RPGRIP1: variants seen among roughly 807,000 people sequenced by gnomAD.
RPGRIP1 encodes the protein RPGR interacting protein 1, also known as X-linked retinitis pigmentosa GTPase regulator-interacting protein 1.
Under a neutral mutation model 157.9 loss-of-function variants are expected in RPGRIP1, and 128 were observed. That is an observed-to-expected ratio of 0.81 (90% CI 0.70 to 0.94). RPGRIP1 has a LOEUF of 0.94. Among genes scored for constraint, RPGRIP1 ranks in the 40% least tolerant of loss-of-function variants. RPGRIP1 has a pLI of 0.00. For synonymous variants in RPGRIP1, 554 were observed against 571.6 expected, an observed-to-expected ratio of 0.97 and a Z score of 0.44; for missense variants, 1,486 against 1,545.8, an observed-to-expected ratio of 0.96 and a Z score of 0.65.
intron 3 of RPGRIP1, among the ~76,000 whole-genome samples, chr14:21,295,966 C>T (rs1454255006): frequency 4.0e-5 from 6 of 151,108 alleles, no homozygotes; most frequent in Non-Finnish European, 5.9e-5. Flanking sequence ...GATGAAACCT[C>T]GCTCCGTTGC....
intron 24 of RPGRIP1, among the ~76,000 whole-genome samples, chr14:21,350,521 C>T (rs920880698): frequency 6.6e-6 from 1 of 152,070 alleles, no homozygotes; most frequent in Non-Finnish European, 1.5e-5. Flanking sequence ...AGGAATACTC[C>T]TCAGACCCTA....
At chr14:21,349,264 TTCACCATG>T (rs1885906372) in intron 24 of RPGRIP1, among the ~76,000 whole-genome samples, 1 of 151,368 alleles carries the variant, frequency 6.6e-6, no homozygotes, top group African/African-American at 2.4e-5. Flanking sequence ...GAGACGGGCT[TTCACCATG>T]TTGCCCAGGC....
intron 19 of RPGRIP1, among the ~76,000 whole-genome samples, chr14:21,329,388 G>A (rs968594385): frequency 6.6e-6 from 1 of 151,986 alleles, no homozygotes. Flanking sequence ...ACAAACACAA[G>A]TAGTTTAACA....
chr14:21,315,808 T>C (rs551428991), intron 10 of RPGRIP1, among the ~76,000 whole-genome samples: 1 of 150,016 alleles, frequency 6.7e-6, no homozygotes, highest in East Asian at 1.9e-4. Flanking sequence ...TTATTATTAT[T>C]TTTTTTTTGA....
chr14:21,303,593 A>G (rs1348473551), intron 6 of RPGRIP1, 50 bp downstream of exon 6: 2 of 1,381,998 alleles, frequency 1.4e-6, no homozygotes. Flanking sequence ...TGAAAAAGCT[A>G]AGAGATTCTT....
intron 11 of RPGRIP1, 92 bp from the exon 12 acceptor site, chr14:21,319,925 T>G (rs780108651): frequency 8.4e-7 from 1 of 1,183,504 alleles, no homozygotes; most frequent in Non-Finnish European, 1.2e-6. Context: ...TAATTAAACC[T>G]TAGTGGGAAG....
Position 21,295,388 on chromosome 14 carries a change from A to G in RPGRIP1, c.218+579A>G, listed in dbSNP as rs990421873. 3.9e-5 allele frequency among the ~76,000 whole-genome samples: 6 copies of G among 152,220 alleles called. No individual in the cohort carries two copies. In the South Asian group the frequency reaches 1.2e-3, roughly 32 times the overall value. On this transcript the variant is annotated intron_variant, in intron 3 of 24. Transcript: ENST00000400017. The stretch of plus-strand genomic sequence containing the variant: ...GTAAAAGAAGGGGTCTTTATTTACA[A>G]AAGAAAACTAAAGATCGTATTGATC...
chr14:21,324,278 C>G, intron 14 of RPGRIP1: 1 of 366,552 alleles, frequency 2.7e-6, no homozygotes. Flanking sequence ...TAGTACTTCT[C>G]TTATGGAATT....
At chr14:21,292,450 G>A (rs1205672559) in intron 2 of RPGRIP1, among the ~76,000 whole-genome samples, 1 of 152,180 alleles carries the variant, frequency 6.6e-6, no homozygotes, top group Non-Finnish European at 1.5e-5. Flanking sequence ...AATCTAGCCA[G>A]TGACTCATGC....
chr14:21,291,441 G>A (rs1952558736), intron 2 of RPGRIP1, among the ~76,000 whole-genome samples: 1 of 151,906 alleles, frequency 6.6e-6, no homozygotes, highest in Non-Finnish European at 1.5e-5. Context: ...TTTTTCTTCA[G>A]TATCATAAAA....
intron 20 of RPGRIP1, among the ~76,000 whole-genome samples, chr14:21,331,981 C>G (rs1170308412): frequency 6.8e-5 from 10 of 147,322 alleles, no homozygotes; most frequent in Non-Finnish European, 1.0e-4. Flanking sequence ...CTCTGTCACC[C>G]AGGCTGGAGT....
chr14:21,294,711 G>C lies in RPGRIP1; in HGVS notation c.120G>C (p.Arg40Ser). ...TGAAAACTCAACCACCCTTGAGCAG[G>C]ATGAACCGGGAGGAATTGGAGGACA... is the stretch of plus-strand genomic sequence containing the variant. ...KNMKTQPPLS[R>S]MNREELEDSF... The change falls in exon 3 of 25, where the codon AGG becomes AGC. Residue 40 changes from arginine to serine, a missense_variant. Arg to Ser is a moderately radical substitution (Grantham distance 110, BLOSUM62 -1). Coordinates refer to ENST00000400017, the MANE Select transcript of RPGRIP1 (RefSeq NM_020366.4). The C allele has an allele frequency of 1.2e-6, 2 of 1,613,676 alleles. No individual in the cohort carries two copies. Among genetic ancestry groups the C allele is most frequent in the African/African-American group, 1.3e-5 (1 of 75,018 alleles).
intron 3 of RPGRIP1, among the ~76,000 whole-genome samples, chr14:21,296,597 C>G (rs938619726): frequency 6.6e-6 from 1 of 151,952 alleles, no homozygotes; most frequent in Non-Finnish European, 1.5e-5. Context: ...ATGATCCCCC[C>G]ATCTTGGCCG....
chr14:21,351,279 A>G lies in RPGRIP1; in HGVS notation c.*63A>G. The G allele has an allele frequency of 3.1e-6, 3 of 978,158 alleles. No individual in the cohort carries two copies. Among genetic ancestry groups the G allele is most frequent in the Non-Finnish European group, 4.8e-6 (3 of 628,196 alleles). 60.6% of individuals were successfully genotyped at this position (978,158 alleles called of 1,614,324 possible). Reference sequence around the variant, plus strand: ...GAACCATAGTAAAAAGTCTCTTATAAAGTTAGCTTGCTATAACATGAATTT... The same window carrying G: ...GAACCATAGTAAAAAGTCTCTTATAGAGTTAGCTTGCTATAACATGAATTT... On this transcript the variant is annotated 3_prime_UTR_variant, in exon 25 of 25. Transcript: ENST00000400017.
chr14:21,328,146 GCAA>G (rs1483978697), intron 18 of RPGRIP1, among the ~76,000 whole-genome samples: 1 of 151,472 alleles, frequency 6.6e-6, no homozygotes, highest in African/African-American at 2.4e-5. Flanking sequence ...TCTGGCCTGG[GCAA>G]CAAGAGCAGA....
Position 21,301,147 on chromosome 14 carries a change from G to T in RPGRIP1, c.400G>T (p.Ala134Ser). 1 of 1,593,272 alleles carries T rather than the reference G, an allele frequency of 6.3e-7. No homozygotes were observed. Among genetic ancestry groups the T allele is most frequent in the Non-Finnish European group, 8.5e-7 (1 of 1,170,200 alleles). The change falls in exon 4 of 25, where the codon GCC becomes TCC. Residue 134 changes from alanine to serine, a missense_variant. Physicochemically the swap from Ala to Ser is moderately conservative, Grantham distance 99. Transcript: ENST00000400017. ...LQGHFHCVGPASPRRAQPRVQ... is the reference protein window; with the variant it reads ...LQGHFHCVGPSSPRRAQPRVQ... Reference sequence around the variant, plus strand: ...AGGGCATTTCCACTGCGTCGGCCCTGCCAGCCCCCGCCGCGCCCAGCCTCG... The same window carrying T: ...AGGGCATTTCCACTGCGTCGGCCCTTCCAGCCCCCGCCGCGCCCAGCCTCG...
chr14:21,309,018 G>C (rs1400235493), intron 7 of RPGRIP1, among the ~76,000 whole-genome samples: 4 of 152,228 alleles, frequency 2.6e-5, no homozygotes, highest in African/African-American at 9.6e-5. Context: ...GAATCGCCAT[G>C]TTTGGGTGGA....
At position 21,321,390 on chromosome 14, in the gene RPGRIP1, C is replaced by T. The variant is rs191796176; in HGVS notation, c.1599C>T (p.Asn533=). 11 of 1,611,100 alleles carry T rather than the reference C, an allele frequency of 6.8e-6. No individual in the cohort carries two copies. Among genetic ancestry groups the T allele is most frequent in the Middle Eastern group, 1.7e-4 (1 of 6,046 alleles). Residue 533 remains asparagine (N), a synonymous_variant, in exon 13 of 25, where the codon AAC becomes AAT. Coordinates refer to ENST00000400017, the MANE Select transcript of RPGRIP1 (RefSeq NM_020366.4). ...RDMLILQRKI[N]VCYQEELEAM... ...TGCTTATTCTGCAGCGCAAAATCAA[C>T]GTGTGTTATCAGGTGCAAGGAAAGA...
intron 19 of RPGRIP1, among the ~76,000 whole-genome samples, chr14:21,329,354 T>C (rs1303457107): frequency 2.0e-5 from 3 of 151,944 alleles, no homozygotes; most frequent in Admixed American, 6.6e-5. Context: ...TAATCATAGC[T>C]AATTGTGGCT....
Sources: gnomAD v4.1 joint callset for allele counts (sites outside exome capture counted in the v4.1 genomes callset) on GRCh38, gnomAD v4.1.1 for gene constraint, MANE v1.5 for transcripts, NCBI Gene and HGNC (gene_info 2026-07-23, HGNC 2026-07-21) for gene names.